Variants in TUBGCP3 observed in about 807,000 individuals in gnomAD.
TUBGCP3 encodes the protein gamma-tubulin complex component 3.
In TUBGCP3, 50 loss-of-function variants were observed where a neutral mutation model predicts 123.1. That is an observed-to-expected ratio of 0.41 (90% confidence interval 0.32 to 0.51). The LOEUF (loss-of-function observed/expected upper bound fraction) is 0.51. Among genes scored for constraint, TUBGCP3 ranks in the 20% least tolerant of loss-of-function variants. The pLI is 0.36. For missense variants in TUBGCP3, 882 were observed against 1,127.0 expected, an observed-to-expected ratio of 0.78 and a Z score of 3.11; for synonymous variants, 405 against 413.9, an observed-to-expected ratio of 0.98 and a Z score of 0.26.
At chr13:112,589,228 C>T (rs921189460), upstream of TUBGCP3, among the ~76,000 whole-genome samples, 5 of 152,218 alleles carry the variant, frequency 3.3e-5, no homozygotes, top group African/African-American at 9.6e-5. Flanking sequence ...TTCTCTCAGC[C>T]GCATACTACA....
chr13:112,566,317 C>G (rs1880953219), intron 2 of TUBGCP3, among the ~76,000 whole-genome samples: 2 of 152,236 alleles, frequency 1.3e-5, no homozygotes, highest in Non-Finnish European at 2.9e-5. Context: ...TCAATACTCT[C>G]TAATGAACCT....
chr13:112,502,173 A>G (rs934230786), intron 19 of TUBGCP3, among the ~76,000 whole-genome samples: 1 of 152,234 alleles, frequency 6.6e-6, no homozygotes, highest in Admixed American at 6.5e-5. Context: ...TACTTGAATT[A>G]TACAATTCTT....
chr13:112,557,557 C>T (rs1212562937), intron 5 of TUBGCP3, among the ~76,000 whole-genome samples: 5 of 152,216 alleles, frequency 3.3e-5, no homozygotes, highest in African/African-American at 7.2e-5. Flanking sequence ...ACCCGTTTAT[C>T]TACATATAGG....
the TUBGCP3 span, among the ~76,000 whole-genome samples, chr13:112,602,511 T>C: frequency 6.6e-6 from 1 of 152,202 alleles, no homozygotes; most frequent in African/African-American, 2.4e-5. Flanking sequence ...TTGTACTCCA[T>C]GATTGATTTG....
intron 1 of TUBGCP3, among the ~76,000 whole-genome samples, chr13:112,581,689 T>C (rs1882286079): frequency 6.6e-6 from 1 of 152,074 alleles, no homozygotes. Context: ...CAAGCAATCC[T>C]CCCGCCTTGG....
upstream of TUBGCP3, among the ~76,000 whole-genome samples, chr13:112,588,918 G>T (rs932331916): frequency 1.3e-5 from 2 of 152,222 alleles, no homozygotes; most frequent in Non-Finnish European, 2.9e-5. Flanking sequence ...TGCAAAGCCC[G>T]TCGGGCCTGG....
intron 11 of TUBGCP3, among the ~76,000 whole-genome samples, chr13:112,541,894 T>A (rs1878550669): frequency 6.6e-6 from 1 of 152,322 alleles, no homozygotes; most frequent in South Asian, 2.1e-4. Flanking sequence ...ACGAAGAGGA[T>A]ACAGATTCTT....
intron 7 of TUBGCP3, among the ~76,000 whole-genome samples, chr13:112,554,419 T>A (rs1001399181): frequency 1.3e-5 from 2 of 152,160 alleles, no homozygotes; most frequent in African/African-American, 4.8e-5. Context: ...TGGCCTGCGG[T>A]GTGGCAGAGA....
intron 8 of TUBGCP3, among the ~76,000 whole-genome samples, chr13:112,553,313 C>A (rs1221494197): frequency 3.3e-5 from 5 of 152,270 alleles, no homozygotes; most frequent in Non-Finnish European, 2.9e-5. Flanking sequence ...CTCCTACCCA[C>A]CAGCTACGCT....
chr13:112,578,056 G>A (rs954089347), intron 1 of TUBGCP3, among the ~76,000 whole-genome samples: 2 of 152,122 alleles, frequency 1.3e-5, no homozygotes, highest in Non-Finnish European at 2.9e-5. Context: ...AACATGTCCG[G>A]GGTCCAGGGT....
rs1878916709 is a variant in TUBGCP3, at chr13:112,545,573, T to C, written c.1335+126A>G. ...GGCACTGTGTAAAATGTATATGGTA[T>C]TCAATGGAAGTGCAGTTGCATTCCT... On this transcript the variant is annotated intron_variant, in intron 11 of 21. Coordinates refer to ENST00000261965, the MANE Select transcript of TUBGCP3 (RefSeq NM_006322.6). This position sits in a 1 kb window ranked among gnomAD's most constrained non-coding sequence, Gnocchi z 4.1. The C allele has an allele frequency of 1.9e-6, 2 of 1,064,228 alleles. No individual in the cohort carries two copies. Among genetic ancestry groups the C allele is most frequent in the African/African-American group, 1.6e-5 (1 of 64,108 alleles). 65.9% of individuals were successfully genotyped at this position (1,064,228 alleles called of 1,614,324 possible).
Position 112,519,827 on chromosome 13 carries a change from C to A in TUBGCP3, c.1881+59G>T. Reference sequence around the variant, plus strand: ...ACATGGAAAACACTCGCTAGAACACCCCGGCCCAGTGGGTCCTCGGTGCCG... The same window carrying A: ...ACATGGAAAACACTCGCTAGAACACACCGGCCCAGTGGGTCCTCGGTGCCG... On this transcript the variant is annotated intron_variant, in intron 15 of 21. Coordinates refer to ENST00000261965, the MANE Select transcript of TUBGCP3 (RefSeq NM_006322.6). The surrounding 1 kb of genome is among the most constrained non-coding windows in gnomAD (Gnocchi z 6.2). 6.3e-7 allele frequency: 1 copy of A among 1,582,066 alleles called. No homozygotes were observed. Among genetic ancestry groups the A allele is most frequent in the Non-Finnish European group, 8.6e-7 (1 of 1,163,000 alleles).
intron 2 of TUBGCP3, among the ~76,000 whole-genome samples, chr13:112,565,922 G>A (rs1200437313): frequency 7.0e-5 from 10 of 142,614 alleles, no homozygotes; most frequent in South Asian, 2.2e-4. Context: ...CCGACAGAGC[G>A]AGACTCTGTC....
intron 21 of TUBGCP3, among the ~76,000 whole-genome samples, chr13:112,487,178 T>C (rs932769102): frequency 6.6e-6 from 1 of 152,142 alleles, no homozygotes; most frequent in African/African-American, 2.4e-5. Flanking sequence ...AGTGACTTCC[T>C]ATTATGTGAT....
intron 1 of TUBGCP3, among the ~76,000 whole-genome samples, chr13:112,575,404 CAT>C (rs1881731832): frequency 6.6e-6 from 1 of 152,180 alleles, no homozygotes; most frequent in African/African-American, 2.4e-5. Flanking sequence ...ACCAAGATGA[CAT>C]AGCAATTCTA....
At chr13:112,515,375 C>A (rs533585605) in intron 17 of TUBGCP3, among the ~76,000 whole-genome samples, 11 of 152,236 alleles carry the variant, frequency 7.2e-5, no homozygotes, top group African/African-American at 2.4e-4. Context: ...AACCGATCTA[C>A]CTGGTGGTAT....
At chr13:112,554,481 C>T (rs1879859531) in intron 7 of TUBGCP3, among the ~76,000 whole-genome samples, 1 of 152,070 alleles carries the variant, frequency 6.6e-6, no homozygotes, top group African/African-American at 2.4e-5. Context: ...ACAGTGTGAC[C>T]CACACCACAA....
chr13:112,488,803 C>G (rs1180213458), intron 21 of TUBGCP3, among the ~76,000 whole-genome samples: 3 of 135,310 alleles, frequency 2.2e-5, no homozygotes, highest in Non-Finnish European at 4.8e-5. Flanking sequence ...CACAGGGGAG[C>G]AAAGGGGTCA....
In TUBGCP3 at chr13:112,586,219, G is replaced by A. The variant is rs981491251; in HGVS notation, c.76+1686C>T. ...CACACCACTGCACTCCAGCCTGGGC[G>A]ACCAGAGTGAGACTCTGTCTCAAAA... On this transcript the variant is annotated intron_variant, in intron 1 of 21. Coordinates refer to ENST00000261965, the MANE Select transcript of TUBGCP3 (RefSeq NM_006322.6). Among the ~76,000 whole-genome samples, 4 of 151,074 alleles carry A rather than the reference G, an allele frequency of 2.6e-5. No individual in the cohort carries two copies. The South Asian group carries it at 6.2e-4, about 24-fold the overall frequency.
Sources: allele counts gnomAD v4.1 joint callset (sites outside exome capture counted in the v4.1 genomes callset), GRCh38; gene constraint gnomAD v4.1.1; non-coding constraint Gnocchi (gnomAD v3.1); transcripts MANE v1.5; gene names NCBI Gene and HGNC (gene_info 2026-07-23, HGNC 2026-07-21).